The following PRKAG2 variants were observed in gnomAD, a reference collection of about 807,000 sequenced individuals.
PRKAG2 encodes the protein protein kinase AMP-activated non-catalytic subunit gamma 2.
PRKAG2 carries 26 observed loss-of-function variants against 69.6 expected under a neutral mutation model. The ratio of observed to expected loss-of-function variants is 0.37; its 90% confidence interval spans 0.27 to 0.52. PRKAG2 has a LOEUF of 0.52. Ranked by LOEUF, PRKAG2 falls within the 20% of genes least tolerant of loss-of-function variation. PRKAG2 has a pLI of 0.90. For synonymous variants in PRKAG2, 293 were observed against 285.0 expected (o/e 1.03, Z -0.28); for missense variants, 557 against 740.0 (o/e 0.75, Z 2.87).
At chr7:151,697,346 G>A (rs1836852195) in intron 3 of PRKAG2, among the ~76,000 whole-genome samples, 1 of 152,154 alleles carries the variant, frequency 6.6e-6, no homozygotes, top group Non-Finnish European at 1.5e-5. Flanking sequence ...GGGCATGCTG[G>A]GTGCCCAGCA....
At chr7:151,833,960 G>C (rs2079093491) in intron 1 of PRKAG2, among the ~76,000 whole-genome samples, 1 of 152,204 alleles carries the variant, frequency 6.6e-6, no homozygotes, top group South Asian at 2.1e-4. Context: ...TCCTCTAGGA[G>C]AAGGCCCGGC....
intron 1 of PRKAG2, among the ~76,000 whole-genome samples, chr7:151,834,480 T>C (rs947083414): frequency 1.3e-5 from 2 of 148,648 alleles, no homozygotes; most frequent in Non-Finnish European, 3.0e-5. Context: ...AATCAGTACA[T>C]CACGTTGTTT....
chr7:151,671,963 C>T (rs1832103826), intron 4 of PRKAG2, among the ~76,000 whole-genome samples: 1 of 152,096 alleles, frequency 6.6e-6, no homozygotes, highest in South Asian at 2.1e-4. Context: ...GGAGTCTTGA[C>T]CAGATCATTC....
intron 3 of PRKAG2, among the ~76,000 whole-genome samples, chr7:151,728,326 C>T (rs1264349341): frequency 6.6e-6 from 1 of 152,182 alleles, no homozygotes; most frequent in African/African-American, 2.4e-5. Context: ...ATTCATCTTG[C>T]TCTCTGAATG....
intron 3 of PRKAG2, among the ~76,000 whole-genome samples, chr7:151,703,299 G>C (rs145027733): frequency 0.01 from 1,598 of 152,330 alleles, 28 homozygotes; most frequent in African/African-American, 0.037. Context: ...CAGAGCTCCT[G>C]CAGCTGCTTT....
At chr7:151,660,472 T>C (rs1830152006) in intron 4 of PRKAG2, among the ~76,000 whole-genome samples, 1 of 152,212 alleles carries the variant, frequency 6.6e-6, no homozygotes, top group African/African-American at 2.4e-5. Flanking sequence ...TCCAATGGCT[T>C]TTGGTATATA....
rs551607825 is a variant in PRKAG2, at chr7:151,777,164, G to T, written c.466+3988C>A. On this transcript the variant is annotated intron_variant, in intron 3 of 15. Coordinates refer to ENST00000287878, the MANE Select transcript of PRKAG2 (RefSeq NM_016203.4). The surrounding 1 kb of genome is among the most constrained non-coding windows in gnomAD (Gnocchi z 4.3). ...TGCAGACCACAGGCCCCAATGGAAG[G>T]GGCCATGGCCAGGTTCAGCATGGGC... Among the ~76,000 whole-genome samples, 15 of 152,318 alleles carry T rather than the reference G, an allele frequency of 9.8e-5. No individual in the cohort carries two copies. The highest frequency in any genetic ancestry group is 3.6e-4 in the African/African-American group (15 of 41,580).
chr7:151,683,412 G>A (rs966481948), intron 3 of PRKAG2, among the ~76,000 whole-genome samples: 1 of 152,146 alleles, frequency 6.6e-6, no homozygotes, highest in Admixed American at 6.5e-5. Flanking sequence ...CCCTTGCCTT[G>A]GTAAAAATAA....
chr7:151,701,857 A>G (rs1021265762), intron 3 of PRKAG2, among the ~76,000 whole-genome samples: 2 of 151,806 alleles, frequency 1.3e-5, no homozygotes, highest in Non-Finnish European at 2.9e-5. Context: ...AAAAAAAAAA[A>G]AGAATAAGGA....
chr7:151,671,608 C>T (rs1472212760), intron 4 of PRKAG2, among the ~76,000 whole-genome samples: 3 of 152,234 alleles, frequency 2.0e-5, no homozygotes, highest in African/African-American at 7.2e-5. Flanking sequence ...GGTTGAATAG[C>T]GTCCTCTGAA....
At chr7:151,724,390 A>G (rs1797591104) in intron 3 of PRKAG2, among the ~76,000 whole-genome samples, 1 of 152,036 alleles carries the variant, frequency 6.6e-6, no homozygotes, top group Non-Finnish European at 1.5e-5. Flanking sequence ...GCATCTCCAC[A>G]GAGTCTGTCG....
At chr7:151,839,147 C>G (rs2079217672) in intron 1 of PRKAG2, among the ~76,000 whole-genome samples, 1 of 152,360 alleles carries the variant, frequency 6.6e-6, no homozygotes, top group South Asian at 2.1e-4. Context: ...TAACTGCCCT[C>G]AGCCCCACCC....
chr7:151,849,150 G>A (rs1283674095), intron 1 of PRKAG2, among the ~76,000 whole-genome samples: 1 of 152,210 alleles, frequency 6.6e-6, no homozygotes, highest in African/African-American at 2.4e-5. Flanking sequence ...CCGTGTTGGG[G>A]AAACGAAGAC....
At chr7:151,588,985 T>C (rs1541538) in intron 6 of PRKAG2, among the ~76,000 whole-genome samples, 83,719 of 151,964 alleles carry the variant, frequency 0.55, 23,843 homozygotes, top group East Asian at 0.81. Context: ...TCCATGCCCA[T>C]CCCTCTAACT....
At chr7:151,673,332 C>T (rs1343794616) in intron 4 of PRKAG2, among the ~76,000 whole-genome samples, 2 of 152,180 alleles carry the variant, frequency 1.3e-5, no homozygotes, top group African/African-American at 4.8e-5. Context: ...CTTCCCTCTC[C>T]CTTAATGTAA....
intron 1 of PRKAG2, among the ~76,000 whole-genome samples, chr7:151,802,929 GATAT>G (rs1038569426): frequency 1.4e-4 from 19 of 137,774 alleles, no homozygotes; most frequent in Admixed American, 7.6e-5. Context: ...ACATATATAT[GATAT>G]ATATATAAGC....
chr7:151,813,385 G>A (rs4015360), intron 1 of PRKAG2, among the ~76,000 whole-genome samples: 123,700 of 151,650 alleles, frequency 0.82, 50,732 homozygotes, highest in East Asian at 0.89. Flanking sequence ...CCCCAGGAGG[G>A]GGGTCAAGCG....
At chr7:151,839,747 G>A (rs2079232151) in intron 1 of PRKAG2, among the ~76,000 whole-genome samples, 1 of 152,210 alleles carries the variant, frequency 6.6e-6, no homozygotes, top group Non-Finnish European at 1.5e-5. Context: ...CAAGGGTGCT[G>A]AGCCCCAAGT....
At chr7:151,764,547 C>A (rs544109639) in intron 3 of PRKAG2, among the ~76,000 whole-genome samples, 1 of 152,246 alleles carries the variant, frequency 6.6e-6, no homozygotes. Flanking sequence ...ACCTGTCAGA[C>A]GACCCAGGGA....
Sources: allele counts gnomAD v4.1 joint callset (sites outside exome capture counted in the v4.1 genomes callset), GRCh38; gene constraint gnomAD v4.1.1; non-coding constraint Gnocchi (gnomAD v3.1); transcripts MANE v1.5; gene names NCBI Gene and HGNC (gene_info 2026-07-23, HGNC 2026-07-21).